SI: variants seen among roughly 807,000 people sequenced by gnomAD.
SI encodes the protein sucrase-isomaltase, also known as sucrase-isomaltase, intestinal.
SI carries 235 observed loss-of-function variants against 253.3 expected under a neutral mutation model. That is an observed-to-expected ratio of 0.93 (90% CI 0.83 to 1.03). SI has a LOEUF of 1.03. SI is among the 50% of genes least tolerant of loss of function. The pLI is 0.00. For synonymous variants in SI, 819 were observed against 712.0 expected (o/e 1.15, Z -2.39); for missense variants, 2,442 against 2,211.1 (o/e 1.10, Z -2.09).
chr3:165,039,000 C>A, intron 20 of SI, 78 bp downstream of exon 20: 2 of 882,324 alleles, frequency 2.3e-6, no homozygotes, highest in Non-Finnish European at 3.7e-6. Context: ...AGTTAAGTTT[C>A]TATGGAATTA....
intron 9 of SI, among the ~76,000 whole-genome samples, 166 bp downstream of exon 9, chr3:165,062,205 A>AG (rs1435447759): frequency 6.6e-6 from 1 of 151,704 alleles, no homozygotes; most frequent in Non-Finnish European, 1.5e-5. Context: ...TTCATTGTAT[A>AG]GGGGAAAAAA....
rs549568693 is a variant in SI, at chr3:165,049,220, G to A, written c.1622C>T (p.Ser541Phe). 1.2e-6 allele frequency: 2 copies of A among 1,604,968 alleles called. No individual in the cohort carries two copies. Among genetic ancestry groups the A allele is most frequent in the East Asian group, 2.2e-5 (1 of 44,608 alleles). The change falls in exon 15 of 48, where the codon TCC becomes TTC. Residue 541 changes from serine to phenylalanine, a missense_variant. By Grantham distance (155) the Ser-to-Phe change is radical (BLOSUM62 -2). Coordinates refer to ENST00000264382, the MANE Select transcript of SI (RefSeq NM_001041.4). ...CACAGCATCCATGCAAATTGTTTTG[G>A]AATACATGAGTTTGTCAAGAATATC... ...TPDILDKLMY[S>F]KTICMDAVQN...
chr3:165,015,067 C>A, intron 33 of SI, 56 bp downstream of exon 33: 1 of 1,353,268 alleles, frequency 7.4e-7, no homozygotes, highest in Non-Finnish European at 1.1e-6. Context: ...TAAATGGAAA[C>A]TTTCATTGAA....
intron 27 of SI, among the ~76,000 whole-genome samples, 157 bp from the exon 28 acceptor site, chr3:165,019,927 C>A (rs940642373): frequency 6.6e-6 from 1 of 151,674 alleles, no homozygotes; most frequent in Non-Finnish European, 1.5e-5. Context: ...GATGATTAAT[C>A]TAATACATGT....
intron 16 of SI, among the ~76,000 whole-genome samples, chr3:165,043,566 A>T (rs993078227): frequency 2.0e-5 from 3 of 152,036 alleles, no homozygotes. Context: ...AACTGTAGGA[A>T]TAAAATAACA....
chr3:164,998,078 G>T (rs1204864974), intron 38 of SI, among the ~76,000 whole-genome samples: 2 of 151,720 alleles, frequency 1.3e-5, no homozygotes, highest in African/African-American at 4.8e-5. Flanking sequence ...TGGTCATTCT[G>T]TTTTTAGCTG....
chr3:165,019,403 T>A (rs965535904), intron 28 of SI, among the ~76,000 whole-genome samples, 199 bp downstream of exon 28: 1 of 151,950 alleles, frequency 6.6e-6, no homozygotes, highest in African/African-American at 2.4e-5. Flanking sequence ...TTGTTATCCA[T>A]CCACTCCTCT....
intron 13 of SI, among the ~76,000 whole-genome samples, chr3:165,051,563 G>C (rs761963152): frequency 2.6e-5 from 4 of 151,804 alleles, no homozygotes; most frequent in Non-Finnish European, 5.9e-5. Context: ...TCATGATTCC[G>C]CCAATAACAT....
intron 44 of SI, among the ~76,000 whole-genome samples, chr3:164,989,373 G>GAAAGA (rs1338281069): frequency 8.3e-6 from 1 of 120,612 alleles, no homozygotes; most frequent in African/African-American, 3.4e-5. Context: ...AGAAAGAAAG[G>GAAAGA]AAGAAAGAAA....
Position 165,043,178 on chromosome 3 carries a change from A to T in SI, c.1888-3T>A. ...AATCCACAGATGTCTGCTCCAACCT[A>T]AATAACAAATATATTTACTATTTAT... On this transcript the variant is annotated splice_polypyrimidine_tract_variant and splice_region_variant and intron_variant, in intron 16 of 47. Transcript: ENST00000264382. 6.3e-7 allele frequency: 1 copy of T among 1,578,980 alleles called. No homozygotes were observed. The highest frequency in any genetic ancestry group is 1.7e-4 in the Middle Eastern group (1 of 5,722).
intron 15 of SI, 108 bp downstream of exon 15, chr3:165,049,019 T>C: frequency 1.3e-6 from 1 of 751,212 alleles, no homozygotes; most frequent in Non-Finnish European, 2.4e-6. Flanking sequence ...AATATTATCT[T>C]TCTTTTTTCA....
Position 164,992,345 on chromosome 3 carries a change from G to C in SI, c.4894C>G (p.Pro1632Ala). The C allele has an allele frequency of 6.2e-7, 1 of 1,613,274 alleles. No homozygotes were observed. The highest frequency in any genetic ancestry group is 8.5e-7 in the Non-Finnish European group (1 of 1,179,460). ...WDIFKQFLWGPAFMVTPVLEP... is the reference protein window; with the variant it reads ...WDIFKQFLWGAAFMVTPVLEP... The stretch of plus-strand genomic sequence containing the variant: ...AGTACTGGGGTAACCATAAATGCTG[G>C]ACCCCATAAGAACTGCTTGAATATA... The change falls in exon 42 of 48, where the codon CCA (proline) becomes GCA (alanine). Residue 1632 changes from proline to alanine, a missense_variant. Coordinates refer to ENST00000264382, the MANE Select transcript of SI (RefSeq NM_001041.4).
At chr3:165,014,241 T>TTTTTTGTTG (rs1718914977) in intron 33 of SI, among the ~76,000 whole-genome samples, 1 of 152,178 alleles carries the variant, frequency 6.6e-6, no homozygotes, top group Admixed American at 6.5e-5. Flanking sequence ...TCATAGATTT[T>TTTTTTGTTG]TTTTTGTTGT....
At chr3:165,085,324 G>A in the SI span, among the ~76,000 whole-genome samples, 6 of 152,124 alleles carry the variant, frequency 3.9e-5, no homozygotes, top group Non-Finnish European at 8.8e-5. Flanking sequence ...TAATGAAGCA[G>A]TCTCTATGAG....
Position 165,062,422 on chromosome 3 carries a change from A to G in SI, c.969T>C (p.Phe323=), listed in dbSNP as rs780057549. 3.4e-5 allele frequency: 54 copies of G among 1,606,492 alleles called. No homozygotes were observed. Among genetic ancestry groups the G allele is most frequent in the Non-Finnish European group, 4.2e-5 (49 of 1,173,718 alleles). The change falls in exon 9 of 48, where the codon TTT becomes TTC. Residue 323 remains phenylalanine, a synonymous_variant. Transcript: ENST00000264382. ...CTGGTGTATCTCCTAGAAGGATGTAAAAATCCAGAATGCCACCGGTAACTC... is the reference window on the plus strand; with the variant it reads ...CTGGTGTATCTCCTAGAAGGATGTAGAAATCCAGAATGCCACCGGTAACTC... ...TYRVTGGILD[F]YILLGDTPEQ... is the part of the protein sequence containing the mutation.
At chr3:165,078,852 A>G (rs7641586), upstream of SI, among the ~76,000 whole-genome samples, 34,880 of 151,322 alleles carry the variant, frequency 0.23, 4,629 homozygotes, top group Middle Eastern at 0.33. Flanking sequence ...GTAGAAACAT[A>G]TTTGAAAGAC....
chr3:165,069,071 T>G lies in SI; in HGVS notation c.373+7A>C. Reference sequence around the variant, plus strand: ...ATATTGAATCATTATAACAGAGGACTTCTTACCAATACTTGTTGTTGTCAT... The same window carrying G: ...ATATTGAATCATTATAACAGAGGACGTCTTACCAATACTTGTTGTTGTCAT... On this transcript the variant is annotated splice_region_variant and intron_variant, in intron 4 of 47. Transcript: ENST00000264382. The G allele has an allele frequency of 6.4e-7, 1 of 1,568,138 alleles. No homozygotes were observed. Among genetic ancestry groups the G allele is most frequent in the South Asian group, 1.1e-5 (1 of 90,194 alleles).
upstream of SI, among the ~76,000 whole-genome samples, chr3:165,081,552 C>G (rs1715323289): frequency 1.3e-5 from 2 of 151,986 alleles, no homozygotes; most frequent in African/African-American, 2.4e-5. Context: ...ATTTAATATA[C>G]TAGTTTTATA....
At chr3:165,050,896 A>T (rs1713390530) in intron 13 of SI, among the ~76,000 whole-genome samples, 1 of 151,844 alleles carries the variant, frequency 6.6e-6, no homozygotes. Context: ...CCTCCCTTTA[A>T]CCTTAACACT....
Sources: allele counts gnomAD v4.1 joint callset (sites outside exome capture counted in the v4.1 genomes callset), GRCh38; gene constraint gnomAD v4.1.1; transcripts MANE v1.5; gene names NCBI Gene and HGNC (gene_info 2026-07-23, HGNC 2026-07-21).